Variants in SV2B observed in about 807,000 individuals in gnomAD.
The protein encoded by SV2B is synaptic vesicle glycoprotein 2B.
Under a neutral mutation model 73.9 loss-of-function variants are expected in SV2B, and 41 were observed. That is an observed-to-expected ratio of 0.56 (90% CI 0.43 to 0.72). The LOEUF is 0.72. Ranked by LOEUF, SV2B falls within the 30% of genes least tolerant of loss-of-function variation. SV2B has a pLI of 0.00. For synonymous variants in SV2B, 314 were observed against 314.2 expected (o/e 1.00, Z 0.01); for missense variants, 764 against 857.8 (o/e 0.89, Z 1.37).
At chr15:91,176,711 A>G (rs1489134192) in intron 1 of SV2B, among the ~76,000 whole-genome samples, 1 of 151,492 alleles carries the variant, frequency 6.6e-6, no homozygotes, top group East Asian at 1.9e-4. Flanking sequence ...GTCTGTTCAT[A>G]TCCTTTGCCC....
At position 91,175,575 on chromosome 15, in the gene SV2B, C is replaced by T. The variant is rs1242085512; in HGVS notation, c.-391-50298C>T. Among the ~76,000 whole-genome samples, 4 of 152,114 alleles carry T rather than the reference C, an allele frequency of 2.6e-5. No homozygotes were observed. In the East Asian group the frequency reaches 5.8e-4, roughly 22 times the overall value. On this transcript the variant is annotated intron_variant, in intron 1 of 12. Transcript: ENST00000394232. ...AGCCCGAGAAGACTTTCTTATTTCC[C>T]AGTGAAATAATTTGGTTCCATAAAA...
intron 1 of SV2B, among the ~76,000 whole-genome samples, chr15:91,144,072 ACT>A (rs1375472250): frequency 6.6e-6 from 1 of 152,172 alleles, no homozygotes; most frequent in East Asian, 1.9e-4. Context: ...TGGGTTATAC[ACT>A]CTCTTTGTAA....
chr15:91,109,299 G>A (rs938090569), intron 1 of SV2B, among the ~76,000 whole-genome samples: 18 of 152,242 alleles, frequency 1.2e-4, no homozygotes, highest in African/African-American at 4.1e-4. Context: ...TCCAGAAGCT[G>A]ATTGTTGAAT....
intron 9 of SV2B, among the ~76,000 whole-genome samples, chr15:91,277,823 T>C (rs1275912631): frequency 6.6e-6 from 1 of 152,246 alleles, no homozygotes; most frequent in Non-Finnish European, 1.5e-5. Context: ...CTTGCTAATT[T>C]AATGTTTATA....
intron 1 of SV2B, among the ~76,000 whole-genome samples, chr15:91,156,961 A>G (rs963667068): frequency 6.6e-6 from 1 of 152,200 alleles, no homozygotes; most frequent in African/African-American, 2.4e-5. Flanking sequence ...CCTCAGATAA[A>G]CAGATGTGTA....
In SV2B at chr15:91,280,746, T is replaced by A. The variant is rs572294341; in HGVS notation, c.1374-982T>A. On this transcript the variant is annotated intron_variant, in intron 9 of 12. Transcript: ENST00000394232. The surrounding 1 kb of genome is among the most constrained non-coding windows in gnomAD (Gnocchi z 5.8). ...CCTTATTGTCTTTTTAACTGAGTTT[T>A]AAAAAAAAGTGAACACATAATACAT... is the stretch of plus-strand genomic sequence containing the variant. 1.1e-4 allele frequency among the ~76,000 whole-genome samples: 17 copies of A among 152,220 alleles called. No homozygotes were observed. The South Asian group carries it at 3.3e-3, about 30-fold the overall frequency.
chr15:91,252,966 T>G lies in SV2B; in HGVS notation c.784+446T>G, dbSNP rs1596699096. ...GCATGTGGTGGAGTGGGGGCTGGAG[T>G]CCTGATGTCCCCTCAGGTGCAGTAG... On this transcript the variant is annotated intron_variant, in intron 4 of 12. Transcript: ENST00000394232. The surrounding 1 kb of genome is among the most constrained non-coding windows in gnomAD (Gnocchi z 4.6). Among the ~76,000 whole-genome samples the G allele has an allele frequency of 6.6e-6, 1 of 151,962 alleles. No individual in the cohort carries two copies. The highest frequency in any genetic ancestry group is 2.4e-5 in the African/African-American group (1 of 41,356).
intron 1 of SV2B, among the ~76,000 whole-genome samples, chr15:91,213,842 G>C (rs1410917641): frequency 6.6e-6 from 1 of 152,124 alleles, no homozygotes; most frequent in East Asian, 1.9e-4. Flanking sequence ...CCTGAGTCTT[G>C]TTTTCATTTC....
At chr15:91,205,966 G>C (rs2045621760) in intron 1 of SV2B, among the ~76,000 whole-genome samples, 2 of 152,158 alleles carry the variant, frequency 1.3e-5, no homozygotes, top group Non-Finnish European at 2.9e-5. Context: ...ACATATGGGA[G>C]GTCCTGAAAT....
chr15:91,177,843 G>C (rs1348514709), intron 1 of SV2B, among the ~76,000 whole-genome samples: 15 of 142,448 alleles, frequency 1.1e-4, no homozygotes, highest in Non-Finnish European at 1.8e-4. Flanking sequence ...TGCAAACAGG[G>C]ACAATTTGAC....
In SV2B at chr15:91,118,877, G is replaced by A. The variant is rs2042249343; in HGVS notation, c.-392+18514G>A. Among the ~76,000 whole-genome samples, 3 of 152,138 alleles carry A rather than the reference G, an allele frequency of 2.0e-5. No homozygotes were observed. Among genetic ancestry groups the A allele is most frequent in the Admixed American group, 2.0e-4 (3 of 15,272 alleles). ...TTCTGGTTCCTCTTCATAGCTTCTT[G>A]CCTCCTCTCATCGGCTCTGTGTGGA... On this transcript the variant is annotated intron_variant, in intron 1 of 12. Coordinates refer to ENST00000394232, the MANE Select transcript of SV2B (RefSeq NM_001323032.3). The surrounding 1 kb of genome is among the most constrained non-coding windows in gnomAD (Gnocchi z 4.7).
chr15:91,270,986 G>A (rs1407285557), intron 9 of SV2B, among the ~76,000 whole-genome samples: 3 of 151,640 alleles, frequency 2.0e-5, no homozygotes, highest in African/African-American at 7.3e-5. Context: ...GGCGGACGGT[G>A]AGTCCTGTGG....
intron 7 of SV2B, 50 bp downstream of exon 7, chr15:91,266,742 C>A: frequency 6.9e-7 from 1 of 1,442,790 alleles, no homozygotes; most frequent in South Asian, 1.2e-5. Context: ...ATGGGAGTCT[C>A]TTACCTTAGT....
chr15:91,227,496 T>C lies in SV2B; in HGVS notation c.451+782T>C, dbSNP rs148297771. Among the ~76,000 whole-genome samples the C allele has an allele frequency of 4.7e-4, 71 of 152,302 alleles. 1 individual carries two copies. The highest frequency in any genetic ancestry group is 1.6e-3 in the African/African-American group (68 of 41,572). ...GTCACCAAATGTCCTGAAAAATGTA[T>C]CTACCCTCTAAATTTAGAGTCTATG... is the stretch of plus-strand genomic sequence containing the variant. On this transcript the variant is annotated intron_variant, in intron 2 of 12. Transcript: ENST00000394232. This position sits in a 1 kb window ranked among gnomAD's most constrained non-coding sequence, Gnocchi z 4.5.
intron 1 of SV2B, among the ~76,000 whole-genome samples, chr15:91,176,736 T>C (rs2044323936): frequency 6.6e-6 from 1 of 151,488 alleles, no homozygotes; most frequent in Non-Finnish European, 1.5e-5. Context: ...TTTGATGGGG[T>C]TGTTTGTTTT....
intron 1 of SV2B, among the ~76,000 whole-genome samples, chr15:91,172,265 A>G (rs1255778534): frequency 6.6e-6 from 1 of 152,170 alleles, no homozygotes; most frequent in Non-Finnish European, 1.5e-5. Context: ...ATCTCTGCTT[A>G]TAAGCTGAAA....
chr15:91,254,750 A>G (rs1337526075), intron 4 of SV2B, among the ~76,000 whole-genome samples: 1 of 152,192 alleles, frequency 6.6e-6, no homozygotes, highest in Non-Finnish European at 1.5e-5. Flanking sequence ...ACCTTTGGCA[A>G]TTCTTGAGGT....
chr15:91,146,904 G>C (rs181531229), intron 1 of SV2B, among the ~76,000 whole-genome samples: 77 of 152,276 alleles, frequency 5.1e-4, no homozygotes, highest in African/African-American at 1.7e-3. Context: ...TCTGTGTCTT[G>C]TTTGCTCATT....
At chr15:91,275,221 C>T (rs62026631) in intron 9 of SV2B, among the ~76,000 whole-genome samples, 1 of 152,028 alleles carries the variant, frequency 6.6e-6, no homozygotes, top group Non-Finnish European at 1.5e-5. Context: ...TTCTCCCACC[C>T]TCTTTTAGAT....
Sources: gnomAD v4.1 joint callset for allele counts (sites outside exome capture counted in the v4.1 genomes callset) on GRCh38, gnomAD v4.1.1 for gene constraint, Gnocchi (gnomAD v3.1) non-coding constraint, MANE v1.5 for transcripts, NCBI Gene and HGNC (gene_info 2026-07-23, HGNC 2026-07-21) for gene names.